SPTB: variants seen among roughly 807,000 people sequenced by gnomAD.
SPTB encodes the protein spectrin beta chain, erythrocytic.
Under a neutral mutation model 256.2 loss-of-function variants are expected in SPTB, and 45 were observed. That is an observed-to-expected ratio of 0.18 (90% CI 0.14 to 0.23). The LOEUF is 0.23. Ranked by LOEUF, SPTB falls within the 10% of genes least tolerant of loss-of-function variation. SPTB has a pLI of 1.00. For synonymous variants in SPTB, 1,231 were observed against 1,243.1 expected (o/e 0.99, Z 0.21); for missense variants, 2,715 against 3,040.4 (o/e 0.89, Z 2.52).
At chr14:64,813,441 G>A (rs1468278261) in intron 2 of SPTB, among the ~76,000 whole-genome samples, 1 of 152,116 alleles carries the variant, frequency 6.6e-6, no homozygotes, top group Non-Finnish European at 1.5e-5. Context: ...TCACAATTTG[G>A]GATTTCTCTC....
In SPTB at chr14:64,749,203, A is replaced by ACTCAT; in HGVS notation, c.*98_*102dup. The ACTCAT allele has an allele frequency of 7.1e-7, 1 of 1,409,538 alleles. No homozygotes were observed. The highest frequency in any genetic ancestry group is 9.6e-7 in the Non-Finnish European group (1 of 1,038,548). The allele number at this position is 1,409,538 out of a possible 1,614,324, so 87.3% of individuals were successfully genotyped here. A position where few individuals can be genotyped will look rare whatever the true frequency, so the allele number is the denominator to read the frequency against. ...GCCCGGGGGCCCGGCCCGCGACTCGACTCATCTCGATTCGACCGGCGGGCG... is the reference window on the plus strand; with the variant it reads ...GCCCGGGGGCCCGGCCCGCGACTCGACTCATCTCATCTCGATTCGACCGGCGGGCG... On this transcript the variant is annotated 3_prime_UTR_variant, in exon 36 of 36. Coordinates refer to ENST00000644917, the MANE Select transcript of SPTB (RefSeq NM_001355436.2). The surrounding 1 kb of genome is among the most constrained non-coding windows in gnomAD (Gnocchi z 4.7).
Position 64,796,335 on chromosome 14 carries a change from G to C in SPTB, c.1341+222C>G, listed in dbSNP as rs945985665. On this transcript the variant is annotated intron_variant, in intron 11 of 35. Coordinates refer to ENST00000644917, the MANE Select transcript of SPTB (RefSeq NM_001355436.2). The surrounding 1 kb of genome is among the most constrained non-coding windows in gnomAD (Gnocchi z 4.1). ...CAGGCCCACATAAGACAACTTCAGC[G>C]GCCAGTTCTAGACTCCAAGGCTCTT... 6.6e-6 allele frequency among the ~76,000 whole-genome samples: 1 copy of C among 152,040 alleles called. No individual in the cohort carries two copies.
chr14:64,775,185 G>A lies in SPTB; in HGVS notation c.4782C>T (p.Asp1594=), dbSNP rs138279396. The A allele has an allele frequency of 8.5e-4, 1,378 of 1,613,942 alleles. No homozygotes were observed. Among genetic ancestry groups the A allele is most frequent in the Non-Finnish European group, 1.1e-3 (1,252 of 1,180,032 alleles). The change falls in exon 23 of 36, where the codon GAC becomes GAT. Residue 1594 remains aspartate, a synonymous_variant. Coordinates refer to ENST00000644917, the MANE Select transcript of SPTB (RefSeq NM_001355436.2). This position sits in a 1 kb window ranked among gnomAD's most constrained non-coding sequence, Gnocchi z 5.0. Reference sequence around the variant, plus strand: ...GCTCGCCAATCCAGGCCTCAGCCTCGTCTGCATCCAGGTAGTACTGCTGTG... The same window carrying A: ...GCTCGCCAATCCAGGCCTCAGCCTCATCTGCATCCAGGTAGTACTGCTGTG... ...NEAQQYYLDA[D]EAEAWIGEQE...
At chr14:64,770,484 C>T (rs1220825700) in intron 27 of SPTB, among the ~76,000 whole-genome samples, 7 of 152,218 alleles carry the variant, frequency 4.6e-5, no homozygotes, top group Admixed American at 1.3e-4. Flanking sequence ...CTCTCATGGA[C>T]GATGAGCTTC....
chr14:64,772,447 G>T lies in SPTB; in HGVS notation c.5553+133C>A, dbSNP rs922914369. 8.1e-7 allele frequency: 1 copy of T among 1,237,520 alleles called. No individual in the cohort carries two copies. The highest frequency in any genetic ancestry group is 1.1e-6 in the Non-Finnish European group (1 of 901,258). The allele number at this position is 1,237,520 out of a possible 1,614,324, so 76.7% of individuals were successfully genotyped here. On this transcript the variant is annotated intron_variant, in intron 26 of 35. Transcript: ENST00000644917. This position sits in a 1 kb window ranked among gnomAD's most constrained non-coding sequence, Gnocchi z 5.4. ...TGAAAGCCACTGCTCCCAGCCCTGA[G>T]CTCCTGGCTGTCTAAGGAGGCAAAA... is the stretch of plus-strand genomic sequence containing the variant.
chr14:64,750,652 T>C (rs2081931695), intron 33 of SPTB, among the ~76,000 whole-genome samples: 1 of 151,970 alleles, frequency 6.6e-6, no homozygotes, highest in African/African-American at 2.4e-5. Flanking sequence ...GGCGCATGCC[T>C]GCAGTCTCAG....
At position 64,793,209 on chromosome 14, in the gene SPTB, A is replaced by G. The variant is rs745607603; in HGVS notation, c.2454T>C (p.Asp818=). Residue 818 remains aspartate (D), a synonymous_variant, in exon 14 of 36, where the codon GAT becomes GAC. Coordinates refer to ENST00000644917, the MANE Select transcript of SPTB (RefSeq NM_001355436.2). The surrounding 1 kb of genome is among the most constrained non-coding windows in gnomAD (Gnocchi z 7.0). ...GCAGGGCCTGCAGCCGATGGGTCAC[A>G]TCTGGGGAATCCCGAAACTCTTCGG... The part of the protein sequence containing the change: ...GFPEEFRDSP[D]VTHRLQALRE... The G allele has an allele frequency of 2.5e-6, 4 of 1,612,130 alleles. No homozygotes were observed. Among genetic ancestry groups the G allele is most frequent in the Non-Finnish European group, 3.4e-6 (4 of 1,180,034 alleles).
chr14:64,768,243 T>C (rs1022712078), intron 29 of SPTB: 21 of 321,358 alleles, frequency 6.5e-5, no homozygotes, highest in Non-Finnish European at 7.2e-5. Context: ...TCTCCCTATG[T>C]TGCCCAGGCT....
At position 64,786,514 on chromosome 14, in the gene SPTB, T is replaced by C. The variant is rs77806; in HGVS notation, c.3451A>G (p.Asn1151Asp). The part of the protein sequence containing the change: ...QRLEGLDTGW[N>D]ALGRMWESRS... ...CTCTCCCACATCCTGCCCAGGGCAT[T>C]CCAGCCAGTATCCAGGCCCTCCAGC... The change falls in exon 16 of 36, where the codon AAT becomes GAT. Residue 1151 changes from asparagine (N) to aspartate (D), a missense_variant. Coordinates refer to ENST00000644917, the MANE Select transcript of SPTB (RefSeq NM_001355436.2). This position sits in a 1 kb window ranked among gnomAD's most constrained non-coding sequence, Gnocchi z 5.6. The C allele has an allele frequency of 0.32, 515,861 of 1,613,172 alleles. 87,659 individuals are homozygous for C. Among genetic ancestry groups the C allele is most frequent in the African/African-American group, 0.62 (46,423 of 74,936 alleles).
Position 64,753,575 on chromosome 14 carries a change from C to T in SPTB, c.6564G>A (p.Lys2188=), listed in dbSNP as rs1022797315. The change falls in exon 33 of 36, where the codon AAG becomes AAA. Residue 2188 remains lysine, a synonymous_variant. Transcript: ENST00000644917. ...TCTTGTTGGGCCCCTCCAGGTCATGCTTGCGGCCCAGGTAGCCTTCCATCT... is the reference window on the plus strand; with the variant it reads ...TCTTGTTGGGCCCCTCCAGGTCATGTTTGCGGCCCAGGTAGCCTTCCATCT... ...SVQMEGYLGR[K]HDLEGPNKKA... is the part of the protein sequence containing the mutation. The T allele has an allele frequency of 1.2e-6, 2 of 1,613,452 alleles. No individual in the cohort carries two copies. Among genetic ancestry groups the T allele is most frequent in the Non-Finnish European group, 1.7e-6 (2 of 1,180,022 alleles).
At chr14:64,868,678 C>T (rs1008457201) in intron 1 of SPTB, among the ~76,000 whole-genome samples, 1 of 152,176 alleles carries the variant, frequency 6.6e-6, no homozygotes, top group Non-Finnish European at 1.5e-5. Flanking sequence ...CACAGAAGCC[C>T]AGAGAGGGCA....
At chr14:64,765,041 T>TGTGTGTGTGTGTGTGTGTGTGTGC (rs570414192) in intron 32 of SPTB, among the ~76,000 whole-genome samples, 29 of 116,996 alleles carry the variant, frequency 2.5e-4, no homozygotes, top group African/African-American at 8.7e-4. Context: ...TGTGTGTGTG[T>TGTGTGTGTGTGTGTGTGTGTGTGC]GCGCGCGCGC....
In SPTB at chr14:64,750,969, A is replaced by T. The variant is rs1594734667; in HGVS notation, c.6603-815T>A. 2.1e-5 allele frequency among the ~76,000 whole-genome samples: 3 copies of T among 145,710 alleles called. No individual in the cohort carries two copies. In the East Asian group the frequency reaches 5.9e-4, roughly 28 times the overall value. On this transcript the variant is annotated intron_variant, in intron 33 of 35. Transcript: ENST00000644917. ...ATATAATACATATTTTATACATCATATAATGTATATTTTATACATTATATA... is the reference window on the plus strand; with the variant it reads ...ATATAATACATATTTTATACATCATTTAATGTATATTTTATACATTATATA...
chr14:64,801,933 CT>C, intron 5 of SPTB, 99 bp from the exon 6 acceptor site: 4 of 1,237,462 alleles, frequency 3.2e-6, no homozygotes, highest in Non-Finnish European at 4.7e-6. Flanking sequence ...AGAAATGGAA[CT>C]GTCCTTTCTT....
rs2083346854 is a variant in SPTB at position 64,824,486 on chromosome 14, C to T, written c.-51-1341G>A. ...AACTATTAGCTTTCTTCATCTGTAC[C>T]TGACATTTGGTCCTCTTTCTAGGGA... On this transcript the variant is annotated intron_variant, in intron 1 of 35. Transcript: ENST00000644917. This position sits in a 1 kb window ranked among gnomAD's most constrained non-coding sequence, Gnocchi z 5.7. Among the ~76,000 whole-genome samples the T allele has an allele frequency of 2.0e-5, 3 of 152,126 alleles. No individual in the cohort carries two copies. The South Asian group carries it at 6.2e-4, about 32-fold the overall frequency.
chr14:64,797,802 T>C lies in SPTB; in HGVS notation c.1109A>G (p.Gln370Arg), dbSNP rs781176597. ...GNLEVLLFTIQSRMRANNQKV... is the reference protein window; with the variant it reads ...GNLEVLLFTIRSRMRANNQKV... ...CTGATTGTTGGCTCTCATCCGGGAC[T>C]GGATGGTAAAAAGTAGAACTTCCAG... Residue 370 changes from glutamine (Q) to arginine (R), a missense_variant, in exon 10 of 36, where the codon CAG becomes CGG. Gln to Arg is a conservative substitution (Grantham distance 43). Around this residue, in one of 4 missense-constraint regions of SPTB, gnomAD observed 416 missense variants for 571.1 expected, o/e 0.73. Transcript: ENST00000644917. The C allele has an allele frequency of 3.2e-5, 51 of 1,614,086 alleles. No homozygotes were observed. In the South Asian group the frequency reaches 3.5e-4, roughly 11 times the overall value.
chr14:64,796,822 A>G lies in SPTB; in HGVS notation c.1183-107T>C. 7.0e-7 allele frequency: 1 copy of G among 1,425,612 alleles called. No homozygotes were observed. The highest frequency in any genetic ancestry group is 9.8e-7 in the Non-Finnish European group (1 of 1,021,792). 88.3% of individuals were successfully genotyped at this position (1,425,612 alleles called of 1,614,324 possible). ...TGAGTGATTTCTGGAATCAAGGTAC[A>G]GCCTGATGCTCTTGGGTGACGTGGT... On this transcript the variant is annotated intron_variant, in intron 10 of 35. Transcript: ENST00000644917. The surrounding 1 kb of genome is among the most constrained non-coding windows in gnomAD (Gnocchi z 4.1).
chr14:64,806,104 A>G lies in SPTB; in HGVS notation c.149-1014T>C, dbSNP rs1299405211. Among the ~76,000 whole-genome samples, 1 of 151,378 alleles carries G rather than the reference A, an allele frequency of 6.6e-6. No individual in the cohort carries two copies. The highest frequency in any genetic ancestry group is 1.5e-5 in the Non-Finnish European group (1 of 67,990). ...TGGGGAAGCTCAGACAAGATGCTGG[A>G]GAGAGGACAGAAGACTGGGATGGCA... On this transcript the variant is annotated intron_variant, in intron 2 of 35. Transcript: ENST00000644917. The surrounding 1 kb of genome is among the most constrained non-coding windows in gnomAD (Gnocchi z 4.1).
At chr14:64,789,662 T>C (rs1037269260) in intron 15 of SPTB, among the ~76,000 whole-genome samples, 5 of 152,174 alleles carry the variant, frequency 3.3e-5, no homozygotes, top group African/African-American at 1.2e-4. Flanking sequence ...ATGTATTAGG[T>C]GTGCAAAGCC....
Sources: allele counts gnomAD v4.1 joint callset (sites outside exome capture counted in the v4.1 genomes callset), GRCh38; gene constraint gnomAD v4.1.1; regional missense constraint gnomAD v4.1.1; non-coding constraint Gnocchi (gnomAD v3.1); transcripts MANE v1.5; gene names NCBI Gene and HGNC (gene_info 2026-07-23, HGNC 2026-07-21).